The following MYNN variants were observed in gnomAD, a reference collection of about 807,000 sequenced individuals.
The protein encoded by MYNN is myoneurin.
MYNN carries 22 observed loss-of-function variants against 57.2 expected under a neutral mutation model. The ratio of observed to expected loss-of-function variants is 0.38; its 90% confidence interval spans 0.27 to 0.55. The LOEUF is 0.55. Among genes scored for constraint, MYNN ranks in the 20% least tolerant of loss-of-function variants. MYNN has a pLI of 0.71. For missense variants in MYNN, 566 were observed against 723.1 expected (o/e 0.78, Z 2.49); for synonymous variants, 241 against 257.1 (o/e 0.94, Z 0.60).
In MYNN at chr3:169,783,471, A is replaced by G. The variant is rs761881502; in HGVS notation, c.1400-6A>G. On this transcript the variant is annotated splice_region_variant and splice_polypyrimidine_tract_variant and intron_variant, in intron 5 of 7. Coordinates refer to ENST00000349841, the MANE Select transcript of MYNN (RefSeq NM_018657.5). The stretch of plus-strand genomic sequence containing the variant: ...ACCACTTCGCTATCTTTTATTTTCC[A>G]TCTAGGTGAAAAACCATACATATGT... 1 of 1,577,010 alleles carries G rather than the reference A, an allele frequency of 6.3e-7. No individual in the cohort carries two copies. The highest frequency in any genetic ancestry group is 1.1e-5 in the South Asian group (1 of 89,156).
At position 169,787,502 on chromosome 3, in the gene MYNN, C is replaced by T. The variant is rs897856835; in HGVS notation, c.*824C>T. On this transcript the variant is annotated 3_prime_UTR_variant, in exon 8 of 8. Coordinates refer to ENST00000349841, the MANE Select transcript of MYNN (RefSeq NM_018657.5). The stretch of plus-strand genomic sequence containing the variant: ...AGTTTTGAAATATTTTGGTAAGCCT[C>T]TCTTACTCCTGTTATGCACTTTTTA... 1 of 152,062 alleles carries T rather than the reference C, an allele frequency of 6.6e-6. No individual in the cohort carries two copies. The highest frequency in any genetic ancestry group is 1.5e-5 in the Non-Finnish European group (1 of 67,962). 9.4% of individuals were successfully genotyped at this position (152,062 alleles called of 1,614,324 possible).
Position 169,779,166 on chromosome 3 carries a change from T to C in MYNN, c.665T>C (p.Val222Ala). 6.2e-7 allele frequency: 1 copy of C among 1,614,188 alleles called. No individual in the cohort carries two copies. Among genetic ancestry groups the C allele is most frequent in the Non-Finnish European group, 8.5e-7 (1 of 1,180,030 alleles). The change falls in exon 3 of 8, where the codon GTA becomes GCA. Residue 222 changes from valine to alanine, a missense_variant. Transcript: ENST00000349841. ...FLDANKLPTP[V>A]VEQVAQINDN... ...GATGCAAATAAACTGCCCACACCTGTAGTAGAACAAGTTGCACAAATAAAT... is the reference window on the plus strand; with the variant it reads ...GATGCAAATAAACTGCCCACACCTGCAGTAGAACAAGTTGCACAAATAAAT...
intron 4 of MYNN, among the ~76,000 whole-genome samples, chr3:169,781,940 T>C (rs1204316496): frequency 6.6e-6 from 1 of 152,166 alleles, no homozygotes; most frequent in Non-Finnish European, 1.5e-5. Flanking sequence ...GACATCAGTA[T>C]ATTTGTATAC....
At position 169,778,794 on chromosome 3, in the gene MYNN, C is replaced by A; in HGVS notation, c.293C>A (p.Ala98Asp). The A allele has an allele frequency of 6.2e-7, 1 of 1,603,680 alleles. No individual in the cohort carries two copies. The stretch of plus-strand genomic sequence containing the variant: ...TGGAATGTTAAAGAAATTCATCAGG[C>A]TGCTGACTATCTCAAAGTGGAAGAG... ...DSWNVKEIHQ[A>D]ADYLKVEEVV... is the part of the protein sequence containing the mutation. Residue 98 changes from alanine to aspartate, a missense_variant, in exon 3 of 8, where the codon GCT becomes GAT. This residue lies in a region of MYNN where 261 missense variants were observed against 280.8 expected (regional missense o/e 0.93). Coordinates refer to ENST00000349841, the MANE Select transcript of MYNN (RefSeq NM_018657.5).
chr3:169,775,689 A>C (rs1194796984), intron 2 of MYNN, among the ~76,000 whole-genome samples: 1 of 152,140 alleles, frequency 6.6e-6, no homozygotes, highest in African/African-American at 2.4e-5. Flanking sequence ...CTCGGAGAAA[A>C]AATAGAAAAA....
intron 3 of MYNN, 74 bp from the exon 4 acceptor site, chr3:169,780,516 T>C: frequency 1.8e-6 from 2 of 1,088,518 alleles, no homozygotes; most frequent in Non-Finnish European, 2.6e-6. Flanking sequence ...GCTAGTACTG[T>C]TGATGAAATC....
rs759176462 is a variant in MYNN, at chr3:169,783,558, C to T, written c.1481C>T (p.Thr494Ile). 1.9e-6 allele frequency: 3 copies of T among 1,602,708 alleles called. No individual in the cohort carries two copies. Among genetic ancestry groups the T allele is most frequent in the East Asian group, 2.2e-5 (1 of 44,690 alleles). Residue 494 changes from threonine (T) to isoleucine (I), a missense_variant and splice_region_variant, in exon 6 of 8, where the codon ACA becomes ATA. Coordinates refer to ENST00000349841, the MANE Select transcript of MYNN (RefSeq NM_018657.5). ...CTCAACAAACACTTTCGGTCCCATA[C>T]AGGTCTGTGTTTAGGGAGAACGTAT... Reference protein sequence around the residue: ...GELNKHFRSHTGERPFICELC... With the variant: ...GELNKHFRSHIGERPFICELC...
In MYNN at chr3:169,784,660, T is replaced by TA. The variant is rs745777015; in HGVS notation, c.1523dup (p.Tyr508Ter). The TA allele has an allele frequency of 1.3e-6, 2 of 1,581,952 alleles. No individual in the cohort carries two copies. The highest frequency in any genetic ancestry group is 3.7e-5 in the Admixed American group (2 of 54,378). ...PFICELCGNS[Y>*]TDIKNLKKHK... ...TATCTGCGAATTATGTGGAAATTCTTACACAGATATTAAAAATTTAAAGAA... is the reference window on the plus strand; with the variant it reads ...TATCTGCGAATTATGTGGAAATTCTTAACACAGATATTAAAAATTTAAAGAA... The change falls in exon 7 of 8, where the codon TAC becomes TAAC. Residue 508 changes from tyrosine (Y) to a stop codon, truncating the protein, a stop_gained and frameshift_variant. Coordinates refer to ENST00000349841, the MANE Select transcript of MYNN (RefSeq NM_018657.5). LOFTEE classifies it high-confidence loss of function.
chr3:169,779,396 A>G lies in MYNN; in HGVS notation c.895A>G (p.Lys299Glu). The change falls in exon 3 of 8, where the codon AAG becomes GAG. Residue 299 changes from lysine (K) to glutamate (E), a missense_variant. Physicochemically the swap from Lys to Glu is moderately conservative, Grantham distance 56 (BLOSUM62 1). This residue lies in a region of MYNN where 123 missense variants were observed against 222.6 expected (regional missense o/e 0.55). Transcript: ENST00000349841. ...SGEELDQRYS[K>E]AKPMCNTCGK... is the part of the protein sequence containing the mutation. ...GGAAGAGCTGGATCAGAGGTATTCC[A>G]AGGCCAAGCCAATGTGTAACACATG... The G allele has an allele frequency of 3.1e-6, 5 of 1,614,242 alleles. No individual in the cohort carries two copies. The highest frequency in any genetic ancestry group is 4.2e-6 in the Non-Finnish European group (5 of 1,180,048).
chr3:169,776,172 C>T (rs907502779), intron 2 of MYNN, among the ~76,000 whole-genome samples: 1 of 152,160 alleles, frequency 6.6e-6, no homozygotes, highest in African/African-American at 2.4e-5. Context: ...AGACTTCATG[C>T]AAAGAACCAA....
Position 169,786,402 on chromosome 3 carries a change from T to C in MYNN, c.1571-14T>C, listed in dbSNP as rs184355458. The C allele has an allele frequency of 5.9e-5, 94 of 1,597,892 alleles. No homozygotes were observed. The East Asian group carries it at 1.6e-3, about 27-fold the overall frequency. On this transcript the variant is annotated splice_polypyrimidine_tract_variant and intron_variant, in intron 7 of 7. Transcript: ENST00000349841. ...TTTAAAGATAATGTAGATTTTTTTT[T>C]CCTTCCATTCTAGGTGCAGATAAAA...
chr3:169,782,714 A>G lies in MYNN; in HGVS notation c.1399+71A>G. Reference sequence around the variant, plus strand: ...AAGAAAAAGGGGACTTGGGCCTTTTAGCGAAGTAGATCGGAAACTTTGTAG... The same window carrying G: ...AAGAAAAAGGGGACTTGGGCCTTTTGGCGAAGTAGATCGGAAACTTTGTAG... On this transcript the variant is annotated intron_variant, in intron 5 of 7. Coordinates refer to ENST00000349841, the MANE Select transcript of MYNN (RefSeq NM_018657.5). This position sits in a 1 kb window ranked among gnomAD's most constrained non-coding sequence, Gnocchi z 4.8. 7.7e-7 allele frequency: 1 copy of G among 1,290,402 alleles called. No individual in the cohort carries two copies. The highest frequency in any genetic ancestry group is 1.4e-5 in the South Asian group (1 of 72,468). 79.9% of individuals were successfully genotyped at this position (1,290,402 alleles called of 1,614,324 possible). A position where few individuals can be genotyped will look rare whatever the true frequency, so the allele number is the denominator to read the frequency against.
chr3:169,779,218 A>G lies in MYNN; in HGVS notation c.717A>G (p.Ser239=), dbSNP rs1329411403. ...ATAATTCAGAACTCGAGTTGACATC[A>G]GTTGTGGAAAATACTTTTCCAGCAC... The part of the protein sequence containing the change: ...INDNSELELT[S]VVENTFPAQD... Residue 239 remains serine (S), a synonymous_variant, in exon 3 of 8, where the codon TCA becomes TCG. Coordinates refer to ENST00000349841, the MANE Select transcript of MYNN (RefSeq NM_018657.5). 5.0e-6 allele frequency: 8 copies of G among 1,614,108 alleles called. No individual in the cohort carries two copies. Among genetic ancestry groups the G allele is most frequent in the South Asian group, 3.3e-5 (3 of 91,092 alleles).
chr3:169,782,536 C>T lies in MYNN; in HGVS notation c.1292C>T (p.Thr431Ile). The T allele has an allele frequency of 6.2e-7, 1 of 1,614,008 alleles. No homozygotes were observed. Among genetic ancestry groups the T allele is most frequent in the Non-Finnish European group, 8.5e-7 (1 of 1,179,920 alleles). ...AGATTTGCTCAAGCCAGCACACTGA[C>T]CTATCATGTCCGTAGGCATACTGGA... ...GQRFAQASTL[T>I]YHVRRHTGEK... The change falls in exon 5 of 8, where the codon ACC becomes ATC. Residue 431 changes from threonine to isoleucine, a missense_variant. By Grantham distance (89) the Thr-to-Ile change is moderately conservative. Around this residue, in one of 4 missense-constraint regions of MYNN, gnomAD observed 123 missense variants for 222.6 expected, o/e 0.55. Coordinates refer to ENST00000349841, the MANE Select transcript of MYNN (RefSeq NM_018657.5). This position sits in a 1 kb window ranked among gnomAD's most constrained non-coding sequence, Gnocchi z 4.8.
intron 1 of MYNN, chr3:169,773,953 A>G (rs967072113): frequency 1.6e-5 from 4 of 242,922 alleles, no homozygotes; most frequent in East Asian, 9.1e-5. Context: ...TTTTTGTAAC[A>G]TAAGTATGTC....
Position 169,786,899 on chromosome 3 carries a change from A to G in MYNN, c.*221A>G, listed in dbSNP as rs1290451921. 2 of 482,104 alleles carry G rather than the reference A, an allele frequency of 4.1e-6. No homozygotes were observed. The highest frequency in any genetic ancestry group is 1.9e-5 in the African/African-American group (1 of 51,916). 29.9% of individuals were successfully genotyped at this position (482,104 alleles called of 1,614,324 possible). ...GAGCTTTTTAAGTAATGAATTATGT[A>G]GCACTATTTTGGGTGGATGAGTTTT... On this transcript the variant is annotated 3_prime_UTR_variant, in exon 8 of 8. Transcript: ENST00000349841.
intron 4 of MYNN, 127 bp downstream of exon 4, chr3:169,780,876 G>A (rs1007868414): frequency 1.9e-5 from 16 of 845,622 alleles, no homozygotes; most frequent in East Asian, 9.0e-5. Flanking sequence ...ATGTTAACAC[G>A]TTCAAGGAAC....
intron 7 of MYNN, 127 bp from the exon 8 acceptor site, chr3:169,786,289 A>G: frequency 1.1e-6 from 1 of 888,304 alleles, no homozygotes; most frequent in South Asian, 1.8e-5. Flanking sequence ...TGTACAAAAG[A>G]GAAACCGCTT....
chr3:169,778,717 G>T (rs771005530), intron 2 of MYNN, 51 bp from the exon 3 acceptor site: 1 of 1,473,772 alleles, frequency 6.8e-7, no homozygotes, highest in South Asian at 1.4e-5. Context: ...GCTCTGTTTC[G>T]AAAGTTTTTC....
Sources: allele counts gnomAD v4.1 joint callset (sites outside exome capture counted in the v4.1 genomes callset), GRCh38; gene constraint gnomAD v4.1.1; regional missense constraint gnomAD v4.1.1; non-coding constraint Gnocchi (gnomAD v3.1); transcripts MANE v1.5; gene names NCBI Gene and HGNC (gene_info 2026-07-23, HGNC 2026-07-21).